Variants in TNIK observed in about 807,000 individuals in gnomAD.
TNIK encodes TRAF2 and NCK-interacting protein kinase.
In TNIK, 49 loss-of-function variants were observed where a neutral mutation model predicts 191.3. The observed-to-expected ratio is 0.26, with a 90% CI of 0.20 to 0.32. The LOEUF is 0.32. Among genes scored for constraint, TNIK ranks in the 10% least tolerant of loss-of-function variants. TNIK has a pLI of 1.00. For synonymous variants in TNIK, 594 were observed against 600.9 expected (o/e 0.99, Z 0.17); for missense variants, 1,155 against 1,702.3 (o/e 0.68, Z 5.66).
chr3:171,320,233 G>C (rs901387544), intron 2 of TNIK, among the ~76,000 whole-genome samples: 3 of 152,112 alleles, frequency 2.0e-5, no homozygotes, highest in African/African-American at 7.2e-5. Context: ...AAAGAACATA[G>C]ACATTTTGAT....
intron 2 of TNIK, among the ~76,000 whole-genome samples, chr3:171,270,498 G>A (rs1035164549): frequency 6.6e-6 from 1 of 152,190 alleles, no homozygotes; most frequent in African/African-American, 2.4e-5. Context: ...CACATCGTTA[G>A]TGAGGCATTC....
At chr3:171,397,162 G>T (rs1720358401) in intron 1 of TNIK, among the ~76,000 whole-genome samples, 2 of 152,126 alleles carry the variant, frequency 1.3e-5, no homozygotes, top group Admixed American at 6.6e-5. Context: ...AATCACTTTT[G>T]GTCTGATGTG....
At position 171,384,460 on chromosome 3, in the gene TNIK, T is replaced by A. The variant is rs529063555; in HGVS notation, c.58-14775A>T. On this transcript the variant is annotated intron_variant, in intron 1 of 32. Coordinates refer to ENST00000436636, the MANE Select transcript of TNIK (RefSeq NM_015028.4). The stretch of plus-strand genomic sequence containing the variant: ...CTGGGCCCTGCCCAGACCTACTGCA[T>A]CAGGATTAACATTTTAATAAGATTC... Among the ~76,000 whole-genome samples, 14 of 152,334 alleles carry A rather than the reference T, an allele frequency of 9.2e-5. No individual in the cohort carries two copies. In the East Asian group the frequency reaches 2.5e-3, roughly 27 times the overall value.
chr3:171,120,541 G>A (rs968612887), intron 18 of TNIK, among the ~76,000 whole-genome samples: 14 of 152,002 alleles, frequency 9.2e-5, no homozygotes, highest in African/African-American at 3.1e-4. Context: ...GGATGGTCTC[G>A]ATCTCCTGAC....
intron 1 of TNIK, among the ~76,000 whole-genome samples, chr3:171,373,868 C>T (rs961644432): frequency 2.6e-5 from 4 of 152,196 alleles, no homozygotes; most frequent in South Asian, 4.1e-4. Context: ...CTTAAATCAG[C>T]GTCACTGCCT....
At chr3:171,110,428 C>G (rs1200977392) in intron 19 of TNIK, among the ~76,000 whole-genome samples, 1 of 152,150 alleles carries the variant, frequency 6.6e-6, no homozygotes, top group East Asian at 1.9e-4. Flanking sequence ...ATTCAGGTGA[C>G]TGGTAAGTGA....
chr3:171,422,337 C>T (rs576926020), intron 1 of TNIK, among the ~76,000 whole-genome samples: 68 of 152,144 alleles, frequency 4.5e-4, no homozygotes, highest in African/African-American at 1.6e-3. Context: ...CTTACACATA[C>T]TTACACACAC....
intron 1 of TNIK, among the ~76,000 whole-genome samples, chr3:171,379,951 G>A (rs185607757): frequency 1.1e-4 from 16 of 152,176 alleles, no homozygotes; most frequent in African/African-American, 3.9e-4. Context: ...GGAGGTTGCA[G>A]TGAGCTGAGA....
chr3:171,261,878 C>T (rs1747670031), intron 2 of TNIK, among the ~76,000 whole-genome samples: 1 of 152,186 alleles, frequency 6.6e-6, no homozygotes, highest in Non-Finnish European at 1.5e-5. Context: ...CGGGAGGAGA[C>T]ACAAAACTTT....
rs750553646 is a variant in TNIK, at chr3:171,059,809, T to G, written c.*4072A>C. On this transcript the variant is annotated 3_prime_UTR_variant, in exon 33 of 33. Coordinates refer to ENST00000436636, the MANE Select transcript of TNIK (RefSeq NM_015028.4). ...TCAGTTTTTGGTTGGTTGGTTATGTTTTGCTTGATTTGGTTAGATTTAAAT... is the reference window on the plus strand; with the variant it reads ...TCAGTTTTTGGTTGGTTGGTTATGTGTTGCTTGATTTGGTTAGATTTAAAT... Among the ~76,000 whole-genome samples, 4 of 152,150 alleles carry G rather than the reference T, an allele frequency of 2.6e-5. No homozygotes were observed. Among genetic ancestry groups the G allele is most frequent in the Non-Finnish European group, 4.4e-5 (3 of 68,000 alleles).
chr3:171,249,075 T>C (rs1745935949), intron 2 of TNIK, among the ~76,000 whole-genome samples: 1 of 152,224 alleles, frequency 6.6e-6, no homozygotes, highest in Admixed American at 6.5e-5. Context: ...TGTAGGAGCT[T>C]ATGAAATTCT....
At chr3:171,223,610 A>G (rs1016513875) in intron 3 of TNIK, among the ~76,000 whole-genome samples, 2 of 152,178 alleles carry the variant, frequency 1.3e-5, no homozygotes, top group African/African-American at 2.4e-5. Flanking sequence ...ATTGAGCAAG[A>G]TACTTAAAAT....
intron 2 of TNIK, among the ~76,000 whole-genome samples, chr3:171,270,183 C>T (rs1227889495): frequency 6.6e-6 from 1 of 152,166 alleles, no homozygotes; most frequent in African/African-American, 2.4e-5. Flanking sequence ...GATACTGCCA[C>T]AGTTGGGTAG....
intron 22 of TNIK, among the ~76,000 whole-genome samples, chr3:171,098,597 G>A (rs572614886): frequency 2.7e-4 from 41 of 152,298 alleles, no homozygotes; most frequent in South Asian, 6.2e-4. Flanking sequence ...ACAGCTGTTT[G>A]TCAAAATGGC....
intron 2 of TNIK, among the ~76,000 whole-genome samples, chr3:171,287,617 T>C (rs1407460661): frequency 1.3e-5 from 2 of 152,252 alleles, no homozygotes; most frequent in East Asian, 1.9e-4. Flanking sequence ...TAAAAGACTA[T>C]AAGTTTTGAT....
chr3:171,227,003 T>G (rs1324492910), intron 3 of TNIK, among the ~76,000 whole-genome samples: 2 of 152,154 alleles, frequency 1.3e-5, no homozygotes, highest in African/African-American at 4.8e-5. Flanking sequence ...TCATTCTATG[T>G]CTATTTATAT....
intron 28 of TNIK, among the ~76,000 whole-genome samples, chr3:171,077,080 C>CG (rs961686326): frequency 1.4e-4 from 20 of 144,944 alleles, no homozygotes; most frequent in South Asian, 7.4e-4. Flanking sequence ...TTCCCCCCCC[C>CG]CTTTTTTTTT....
At chr3:171,156,776 G>A (rs1466632033) in intron 12 of TNIK, among the ~76,000 whole-genome samples, 1 of 152,224 alleles carries the variant, frequency 6.6e-6, no homozygotes, top group Non-Finnish European at 1.5e-5. Context: ...CAGGCTGGAG[G>A]ACAGGCCCTG....
At chr3:171,088,616 C>T (rs765514941) in intron 23 of TNIK, among the ~76,000 whole-genome samples, 8 of 152,126 alleles carry the variant, frequency 5.3e-5, no homozygotes, top group African/African-American at 1.7e-4. Context: ...TTAGGTGACA[C>T]GCTGTACAGT....
Sources: gnomAD v4.1 joint callset for allele counts (sites outside exome capture counted in the v4.1 genomes callset) on GRCh38, gnomAD v4.1.1 for gene constraint, MANE v1.5 for transcripts, NCBI Gene and HGNC (gene_info 2026-07-23, HGNC 2026-07-21) for gene names.